PANK2: variants seen among roughly 807,000 people sequenced by gnomAD.
The protein encoded by PANK2 is pantothenate kinase 2, mitochondrial.
PANK2 carries 36 observed loss-of-function variants against 43.1 expected under a neutral mutation model. The ratio of observed to expected loss-of-function variants is 0.84; its 90% CI spans 0.64 to 1.10. PANK2 has a LOEUF of 1.10. Among genes scored for constraint, PANK2 ranks in the 50% least tolerant of loss-of-function variants. PANK2 has a pLI of 0.00. For missense variants in PANK2, 576 were observed against 593.3 expected, an observed-to-expected ratio of 0.97 and a Z score of 0.30; for synonymous variants, 281 against 238.2, an observed-to-expected ratio of 1.18 and a Z score of -1.66.
Position 3,923,702 on chromosome 20 carries a change from A to G in PANK2, c.*408A>G, listed in dbSNP as rs551312115. ...GTTATAATCTAATCACAATTTGTCA[A>G]TATGGTCTTGGCAATCATCTGTGCA... On this transcript the variant is annotated 3_prime_UTR_variant, in exon 7 of 7. Transcript: ENST00000610179. 45 of 240,398 alleles carry G rather than the reference A, an allele frequency of 1.9e-4. No individual in the cohort carries two copies. The highest frequency in any genetic ancestry group is 4.6e-4 in the African/African-American group (21 of 45,176). The allele number at this position is 240,398 out of a possible 1,614,324, so 14.9% of individuals were successfully genotyped here.
At chr20:3,914,722 G>A (rs1288698208) in intron 4 of PANK2, among the ~76,000 whole-genome samples, 2 of 151,784 alleles carry the variant, frequency 1.3e-5, no homozygotes, top group African/African-American at 4.8e-5. Flanking sequence ...GCTTCACCTC[G>A]CAAGTAGCTG....
chr20:3,918,581 AGCTAT>A (rs1251119634), intron 5 of PANK2, 85 bp from the exon 6 acceptor site: 8 of 1,551,584 alleles, frequency 5.2e-6, no homozygotes. Context: ...TGTTGCTAAG[AGCTAT>A]GCACATGGTG....
At chr20:3,888,903 A>G, upstream of PANK2, 1 of 549,546 alleles carries the variant, frequency 1.8e-6, no homozygotes, top group South Asian at 2.6e-5. Context: ...ACAAAGGCTA[A>G]GGTCAGCCGC....
At chr20:3,888,800 T>C (rs2090056595), upstream of PANK2, 1 of 391,264 alleles carries the variant, frequency 2.6e-6, no homozygotes, top group African/African-American at 2.1e-5. Context: ...GGTACCTCTC[T>C]CTCCAACGCA....
At chr20:3,913,775 C>CACATAT (rs575219677) in intron 4 of PANK2, among the ~76,000 whole-genome samples, 4 of 124,004 alleles carry the variant, frequency 3.2e-5, no homozygotes, top group Admixed American at 8.5e-5. Context: ...CACACACACA[C>CACATAT]ATATATATAT....
At chr20:3,889,385 C>A, upstream of PANK2, 1 of 1,574,744 alleles carries the variant, frequency 6.4e-7, no homozygotes, top group South Asian at 1.2e-5. Context: ...GGGCGCGCCT[C>A]TGCTCTGGCT....
intron 6 of PANK2, among the ~76,000 whole-genome samples, chr20:3,922,944 C>A (rs1291267059): frequency 6.6e-6 from 1 of 152,180 alleles, no homozygotes; most frequent in African/African-American, 2.4e-5. Flanking sequence ...CTGTCTCTTA[C>A]CAGAGGTAAC....
intron 1 of PANK2, among the ~76,000 whole-genome samples, chr20:3,892,862 C>T (rs554106330): frequency 3.9e-5 from 6 of 152,130 alleles, no homozygotes; most frequent in African/African-American, 1.2e-4. Flanking sequence ...GGCCCTTGTC[C>T]CAGACTTACT....
chr20:3,906,506 C>G (rs1188933401), intron 1 of PANK2, among the ~76,000 whole-genome samples: 1 of 152,090 alleles, frequency 6.6e-6, no homozygotes, highest in Non-Finnish European at 1.5e-5. Flanking sequence ...CCAAACCTAC[C>G]TTAAATGTGC....
In PANK2 at chr20:3,923,110, G is replaced by T. The variant is rs1162161937; in HGVS notation, c.1333-134G>T. The T allele has an allele frequency of 3.9e-6, 4 of 1,023,152 alleles. No homozygotes were observed. In the East Asian group the frequency reaches 9.5e-5, roughly 24 times the overall value. 63.4% of individuals were successfully genotyped at this position (1,023,152 alleles called of 1,614,324 possible). On this transcript the variant is annotated intron_variant, in intron 6 of 6. Transcript: ENST00000610179. ...CGTCTCTGCTCCCAGGCTGGCCTTG[G>T]CCCTTCTGGGGTGCTCAGGAAATGG... is the stretch of plus-strand genomic sequence containing the variant.
intron 5 of PANK2, among the ~76,000 whole-genome samples, chr20:3,918,460 T>G (rs1196465866): frequency 6.6e-6 from 1 of 152,214 alleles, no homozygotes; most frequent in Non-Finnish European, 1.5e-5. Flanking sequence ...CTAATCTGTT[T>G]TCTTCTCCTG....
rs201982152 is a variant in PANK2 at position 3,928,233 on chromosome 20, G to GTGA, written c.*4941_*4943dup. On this transcript the variant is annotated 3_prime_UTR_variant, in exon 7 of 7. Coordinates refer to ENST00000610179, the MANE Select transcript of PANK2 (RefSeq NM_001386393.1). ...TTCTACAAATGCCAGAAGAGTGGAT[G>GTGA]TGATAGAGAATTTTTTCTCAAGTTT... 6.6e-6 allele frequency: 1 copy of GTGA among 152,248 alleles called. No individual in the cohort carries two copies. The highest frequency in any genetic ancestry group is 2.4e-5 in the African/African-American group (1 of 41,456). The allele number at this position is 152,248 out of a possible 1,614,324, so 9.4% of individuals were successfully genotyped here.
At chr20:3,893,389 T>C (rs1166960616) in intron 1 of PANK2, among the ~76,000 whole-genome samples, 1 of 152,212 alleles carries the variant, frequency 6.6e-6, no homozygotes, top group Non-Finnish European at 1.5e-5. Flanking sequence ...TAAAATTATA[T>C]TTTAAATTTT....
At chr20:3,906,530 A>G (rs922115843) in intron 1 of PANK2, among the ~76,000 whole-genome samples, 2 of 152,210 alleles carry the variant, frequency 1.3e-5, no homozygotes, top group African/African-American at 4.8e-5. Context: ...GAACCCTTAT[A>G]TTAGCCTACA....
At chr20:3,920,323 A>G (rs2090626549) in intron 6 of PANK2, among the ~76,000 whole-genome samples, 1 of 151,706 alleles carries the variant, frequency 6.6e-6, no homozygotes, top group African/African-American at 2.4e-5. Flanking sequence ...CTGGCCAACC[A>G]TGGTCAATGT....
chr20:3,922,974 T>A (rs1328918338), intron 6 of PANK2, among the ~76,000 whole-genome samples: 2 of 152,208 alleles, frequency 1.3e-5, no homozygotes, highest in African/African-American at 4.8e-5. Flanking sequence ...GCTGGCCTCA[T>A]AGCTCCTGTC....
chr20:3,914,139 T>G (rs988258507), intron 4 of PANK2, among the ~76,000 whole-genome samples: 1 of 152,000 alleles, frequency 6.6e-6, no homozygotes, highest in Admixed American at 6.6e-5. Context: ...GTAGAATTGC[T>G]GAGTCATATG....
At chr20:3,889,226 G>T (rs753937849), upstream of PANK2, 2 of 1,613,042 alleles carry the variant, frequency 1.2e-6, no homozygotes, top group Non-Finnish European at 1.7e-6. Context: ...CCCTCTCCCC[G>T]CCCCGTCACG....
chr20:3,907,535 C>T (rs2090406092), intron 1 of PANK2, among the ~76,000 whole-genome samples: 1 of 152,066 alleles, frequency 6.6e-6, no homozygotes. Flanking sequence ...TAGTTTGCTG[C>T]TAAACCAGAA....
Sources: allele counts gnomAD v4.1 joint callset (sites outside exome capture counted in the v4.1 genomes callset), GRCh38; gene constraint gnomAD v4.1.1; transcripts MANE v1.5; gene names NCBI Gene and HGNC (gene_info 2026-07-23, HGNC 2026-07-21).